Variants in THBS3 observed in about 807,000 individuals in gnomAD.
THBS3 encodes the protein thrombospondin-3.
THBS3 carries 78 observed loss-of-function variants against 118.3 expected under a neutral mutation model. The ratio of observed to expected loss-of-function variants is 0.66; its 90% CI spans 0.55 to 0.80. The LOEUF (loss-of-function observed/expected upper bound fraction) is 0.80, where lower values mean the gene tolerates loss of function less well. Among genes scored for constraint, THBS3 ranks in the 30% least tolerant of loss-of-function variants. The pLI is 0.00. For missense variants in THBS3, 1,057 were observed against 1,247.4 expected, an observed-to-expected ratio of 0.85 and a Z score of 2.30; for synonymous variants, 427 against 475.3, an observed-to-expected ratio of 0.90 and a Z score of 1.32.
In THBS3 at chr1:155,202,478, T is replaced by C; in HGVS notation, c.958-77A>G. On this transcript the variant is annotated intron_variant, in intron 8 of 22. Transcript: ENST00000368378. This position sits in a 1 kb window ranked among gnomAD's most constrained non-coding sequence, Gnocchi z 5.5. ...GTCCCTGCCTGTGATCCAGGAACCA[T>C]TGCTCCAGGTCTCCCCTTTGTGCAG... is the stretch of plus-strand genomic sequence containing the variant. The C allele has an allele frequency of 6.4e-7, 1 of 1,566,118 alleles. No homozygotes were observed. Among genetic ancestry groups the C allele is most frequent in the Non-Finnish European group, 8.7e-7 (1 of 1,155,938 alleles).
rs1669750144 is a variant in THBS3, at chr1:155,201,665, C to T, written c.1177-96G>A. 20 of 1,346,528 alleles carry T rather than the reference C, an allele frequency of 1.5e-5. No individual in the cohort carries two copies. In the South Asian group the frequency reaches 2.4e-4, roughly 16 times the overall value. The allele number at this position is 1,346,528 out of a possible 1,614,324, so 83.4% of individuals were successfully genotyped here. On this transcript the variant is annotated intron_variant, in intron 10 of 22. Coordinates refer to ENST00000368378, the MANE Select transcript of THBS3 (RefSeq NM_007112.5). ...ACCTGCGGAGTGTGGGCTGGGCACTCAGTTATGCCAGGCATATCAGTATCT... is the reference window on the plus strand; with the variant it reads ...ACCTGCGGAGTGTGGGCTGGGCACTTAGTTATGCCAGGCATATCAGTATCT...
At chr1:155,200,766 A>G (rs1669576245) in intron 13 of THBS3, 131 bp downstream of exon 13, 2 of 1,576,110 alleles carry the variant, frequency 1.3e-6, no homozygotes, top group African/African-American at 2.7e-5. Flanking sequence ...TGTCCTGGGC[A>G]CGAGGTTTTT....
At chr1:155,196,206 C>CT in intron 21 of THBS3, 80 bp from the exon 22 acceptor site, 1 of 1,535,380 alleles carries the variant, frequency 6.5e-7, no homozygotes, top group Non-Finnish European at 8.9e-7. Flanking sequence ...TGGGGCCTTG[C>CT]TTTTCCCCAG....
At position 155,197,654 on chromosome 1, in the gene THBS3, TG is replaced by T. The variant is rs748954098; in HGVS notation, c.2307del (p.Tyr769Ter). On this transcript the variant is annotated frameshift_variant, in exon 20 of 23. Coordinates refer to ENST00000368378, the MANE Select transcript of THBS3 (RefSeq NM_007112.5). LOFTEE classifies it high-confidence loss of function. This position sits in a 1 kb window ranked among gnomAD's most constrained non-coding sequence, Gnocchi z 5.0. ...MNSDPGLAVGYTAFNGVDFEG... is the reference protein window; with the variant it reads ...MNSDPGLAVGXTAFNGVDFEG... ...TCAAAGTCCACACCATTGAAGGCCG[TG>T]TATCCTGGGGTGGGGGTGGGATAAA... The T allele has an allele frequency of 3.1e-6, 5 of 1,609,534 alleles. No individual in the cohort carries two copies. Among genetic ancestry groups the T allele is most frequent in the Non-Finnish European group, 4.2e-6 (5 of 1,178,044 alleles).
At position 155,204,960 on chromosome 1, in the gene THBS3, G is replaced by T; in HGVS notation, c.544-3C>A. 6.2e-7 allele frequency: 1 copy of T among 1,613,870 alleles called. No homozygotes were observed. On this transcript the variant is annotated splice_region_variant and splice_polypyrimidine_tract_variant and intron_variant, in intron 3 of 22. Coordinates refer to ENST00000368378, the MANE Select transcript of THBS3 (RefSeq NM_007112.5). The stretch of plus-strand genomic sequence containing the variant: ...ATTTTCATAGATTCCACAAAGCCCT[G>T]GGGGGATAGCAGCAGAGTAAGGTGG...
chr1:155,200,779 C>A, intron 13 of THBS3, 118 bp downstream of exon 13: 9 of 1,587,612 alleles, frequency 5.7e-6, no homozygotes, highest in Non-Finnish European at 7.7e-6. Context: ...AGGTTTTTGC[C>A]TCCCTGATTT....
chr1:155,197,192 G>C lies in THBS3; in HGVS notation c.2521C>G (p.Pro841Ala), dbSNP rs762643595. Reference protein sequence around the residue: ...QLKAVTSVSGPGEHLRNALWH... With the variant: ...QLKAVTSVSGAGEHLRNALWH... The stretch of plus-strand genomic sequence containing the variant: ...AGGGCATTTCGGAGGTGCTCACCTG[G>C]GCCAGACACTGATGTCACTGCCTAG... The change falls in exon 21 of 23, where the codon CCA (proline) becomes GCA (alanine). Residue 841 changes from proline to alanine, a missense_variant. This residue lies in a region of THBS3 where 307 missense variants were observed against 326.1 expected (regional missense o/e 0.94). Transcript: ENST00000368378. This position sits in a 1 kb window ranked among gnomAD's most constrained non-coding sequence, Gnocchi z 5.0. 2 of 1,614,110 alleles carry C rather than the reference G, an allele frequency of 1.2e-6. No individual in the cohort carries two copies. Among genetic ancestry groups the C allele is most frequent in the South Asian group, 2.2e-5 (2 of 91,090 alleles).
Position 155,200,881 on chromosome 1 carries a change from G to T in THBS3, c.1548+16C>A. ...GGGGAGAGGAGCTTCAAGGGGCAGG[G>T]CAGTCTGGGAGTCACCTCAACATTC... On this transcript the variant is annotated intron_variant, in intron 13 of 22. Coordinates refer to ENST00000368378, the MANE Select transcript of THBS3 (RefSeq NM_007112.5). 1 of 1,614,060 alleles carries T rather than the reference G, an allele frequency of 6.2e-7. No individual in the cohort carries two copies. The highest frequency in any genetic ancestry group is 8.5e-7 in the Non-Finnish European group (1 of 1,180,012).
Position 155,195,849 on chromosome 1 carries a change from T to C in THBS3, c.2863A>G (p.Arg955Gly). ...EPFRRQLLQG[R>G]V Reference sequence around the variant, plus strand: ...ATCTGGTGGCCTCCTCCTCACACCCTTCCCTGGAGCAGCTGCCTCCGGAAT... The same window carrying C: ...ATCTGGTGGCCTCCTCCTCACACCCCTCCCTGGAGCAGCTGCCTCCGGAAT... Residue 955 changes from arginine to glycine, a missense_variant, in exon 23 of 23, where the codon AGG becomes GGG. This residue lies in a region of THBS3 where 307 missense variants were observed against 326.1 expected (regional missense o/e 0.94). Coordinates refer to ENST00000368378, the MANE Select transcript of THBS3 (RefSeq NM_007112.5). 1.2e-6 allele frequency: 2 copies of C among 1,613,996 alleles called. No homozygotes were observed. The highest frequency in any genetic ancestry group is 1.7e-6 in the Non-Finnish European group (2 of 1,179,994).
intron 16 of THBS3, among the ~76,000 whole-genome samples, chr1:155,199,466 T>C (rs1205916938): frequency 7.0e-6 from 1 of 143,632 alleles, no homozygotes; most frequent in Non-Finnish European, 1.5e-5. Flanking sequence ...TATAAGACCT[T>C]GCATTTCGCT....
chr1:155,202,528 C>T lies in THBS3; in HGVS notation c.958-127G>A. On this transcript the variant is annotated intron_variant, in intron 8 of 22. Transcript: ENST00000368378. The surrounding 1 kb of genome is among the most constrained non-coding windows in gnomAD (Gnocchi z 5.5). ...GCTCTCCCCACACAACTGCCTTGTG[C>T]TCCTGGTCCCCACCCCACTTCCCTC... The T allele has an allele frequency of 7.4e-7, 1 of 1,354,886 alleles. No individual in the cohort carries two copies. The highest frequency in any genetic ancestry group is 9.9e-7 in the Non-Finnish European group (1 of 1,009,066). The allele number at this position is 1,354,886 out of a possible 1,614,324, so 83.9% of individuals were successfully genotyped here.
In THBS3 at chr1:155,205,141, A is replaced by G; in HGVS notation, c.462T>C (p.Leu154=). Reference sequence around the variant, plus strand: ...CTGGAGGAATGGGGGCCAGTGCTGGAAGGCCTGCATGTTGGTCACCCAGTT... The same window carrying G: ...CTGGAGGAATGGGGGCCAGTGCTGGGAGGCCTGCATGTTGGTCACCCAGTT... ...DCKLGDQHAG[L]PALAPIPPAE... Residue 154 remains leucine (L), a synonymous_variant, in exon 3 of 23, where the codon CTT becomes CTC. Transcript: ENST00000368378. 2 of 1,614,198 alleles carry G rather than the reference A, an allele frequency of 1.2e-6. No individual in the cohort carries two copies. The highest frequency in any genetic ancestry group is 1.7e-6 in the Non-Finnish European group (2 of 1,180,046).
At position 155,206,880 on chromosome 1, in the gene THBS3, T is replaced by A. The variant is rs1185219476; in HGVS notation, c.80-474A>T. ...CGAAAACAAAAAAAAACCTCAACCC[T>A]TGTTGCTCTCAGAGGACAGAGGCAC... On this transcript the variant is annotated intron_variant, in intron 1 of 22. Coordinates refer to ENST00000368378, the MANE Select transcript of THBS3 (RefSeq NM_007112.5). The surrounding 1 kb of genome is among the most constrained non-coding windows in gnomAD (Gnocchi z 4.2). Among the ~76,000 whole-genome samples the A allele has an allele frequency of 6.6e-6, 1 of 151,944 alleles. No homozygotes were observed. Among genetic ancestry groups the A allele is most frequent in the Non-Finnish European group, 1.5e-5 (1 of 67,960 alleles).
Position 155,205,101 on chromosome 1 carries a change from GCC to G in THBS3, c.500_501del (p.Gly167AlafsTer4). The G allele has an allele frequency of 6.2e-7, 1 of 1,614,044 alleles. No homozygotes were observed. Among genetic ancestry groups the G allele is most frequent in the South Asian group, 1.1e-5 (1 of 91,066 alleles). On this transcript the variant is annotated frameshift_variant, in exon 3 of 23. Coordinates refer to ENST00000368378, the MANE Select transcript of THBS3 (RefSeq NM_007112.5). LOFTEE classifies it high-confidence loss of function. ...GCCTTCTGTCCAGTCCTAATCTCCA[GCC>G]CATCGACCTCCGCTGGAGGAATGGG... ...LAPIPPAEVD[G>X]LEIRTGQKAY...
upstream of THBS3, chr1:155,207,898 C>T: frequency 6.2e-7 from 1 of 1,612,922 alleles, no homozygotes; most frequent in African/African-American, 1.3e-5. Flanking sequence ...GGCTCACTAC[C>T]CCTGGCAGGC....
intron 17 of THBS3, 68 bp from the exon 18 acceptor site, chr1:155,198,288 T>C (rs1298016332): frequency 3.8e-6 from 6 of 1,596,678 alleles, no homozygotes; most frequent in Middle Eastern, 1.7e-4. Flanking sequence ...ATACCATCTG[T>C]TGGGCCTGCA....
At position 155,206,703 on chromosome 1, in the gene THBS3, G is replaced by A. The variant is rs1670598998; in HGVS notation, c.80-297C>T. Among the ~76,000 whole-genome samples, 1 of 151,954 alleles carries A rather than the reference G, an allele frequency of 6.6e-6. No individual in the cohort carries two copies. The highest frequency in any genetic ancestry group is 1.5e-5 in the Non-Finnish European group (1 of 67,980). Reference sequence around the variant, plus strand: ...AGAAAAAAAAACCACCTAGCCGGGCGTGGTGGCGGGCACCTGTAATCCCAG... The same window carrying A: ...AGAAAAAAAAACCACCTAGCCGGGCATGGTGGCGGGCACCTGTAATCCCAG... On this transcript the variant is annotated intron_variant, in intron 1 of 22. Transcript: ENST00000368378. The surrounding 1 kb of genome is among the most constrained non-coding windows in gnomAD (Gnocchi z 4.2).
In THBS3 at chr1:155,197,592, G is replaced by T; in HGVS notation, c.2370C>A (p.Asp790Glu). ...TFHVNTVTDD[D>E]YAGFLFSYQD... ...GATAACTGAAGAGAAAGCCTGCGTAGTCATCATCAGTCACTGTGTTCACAT... is the reference window on the plus strand; with the variant it reads ...GATAACTGAAGAGAAAGCCTGCGTATTCATCATCAGTCACTGTGTTCACAT... Residue 790 changes from aspartate (D) to glutamate (E), a missense_variant, in exon 20 of 23, where the codon GAC becomes GAA. Transcript: ENST00000368378. The surrounding 1 kb of genome is among the most constrained non-coding windows in gnomAD (Gnocchi z 5.0). 1 of 1,563,008 alleles carries T rather than the reference G, an allele frequency of 6.4e-7. No homozygotes were observed. The highest frequency in any genetic ancestry group is 8.7e-7 in the Non-Finnish European group (1 of 1,147,996).
intron 13 of THBS3, 130 bp from the exon 14 acceptor site, chr1:155,200,740 A>T: frequency 6.4e-7 from 1 of 1,557,526 alleles, no homozygotes; most frequent in Non-Finnish European, 8.7e-7. Flanking sequence ...GTACAGTCCC[A>T]CCCACCCAGC....
Sources: allele counts gnomAD v4.1 joint callset (sites outside exome capture counted in the v4.1 genomes callset), GRCh38; gene constraint gnomAD v4.1.1; regional missense constraint gnomAD v4.1.1; non-coding constraint Gnocchi (gnomAD v3.1); transcripts MANE v1.5; gene names NCBI Gene and HGNC (gene_info 2026-07-23, HGNC 2026-07-21).